TAB2: variants seen among roughly 807,000 people sequenced by gnomAD.
The protein encoded by TAB2 is TGF-beta-activated kinase 1 and MAP3K7-binding protein 2.
Under a neutral mutation model 65.0 loss-of-function variants are expected in TAB2, and 3 were observed. The ratio of observed to expected loss-of-function variants is 0.05; its 90% CI spans 0.02 to 0.12. The LOEUF is 0.12. Among genes scored for constraint, TAB2 ranks in the 10% least tolerant of loss-of-function variants. The pLI is 1.00. For missense variants in TAB2, 623 were observed against 840.3 expected (o/e 0.74, Z 3.20); for synonymous variants, 298 against 285.1 (o/e 1.05, Z -0.46).
At chr6:149,338,058 C>T (rs1167060035) in intron 1 of TAB2, among the ~76,000 whole-genome samples, 1 of 152,058 alleles carries the variant, frequency 6.6e-6, no homozygotes, top group Non-Finnish European at 1.5e-5. Flanking sequence ...AACCCTGAGG[C>T]CAGCTGTGTT....
chr6:149,253,795 G>A (rs1011804019), intron 1 of TAB2, among the ~76,000 whole-genome samples: 4 of 150,160 alleles, frequency 2.7e-5, no homozygotes, highest in Non-Finnish European at 5.9e-5. Context: ...GGTGGAGCAC[G>A]CCTGTAATCC....
intron 1 of TAB2, among the ~76,000 whole-genome samples, chr6:149,348,084 G>T (rs1780361958): frequency 1.3e-5 from 2 of 152,080 alleles, no homozygotes; most frequent in Admixed American, 1.3e-4. Flanking sequence ...ACAGAAGAGA[G>T]AAATTGTAAT....
At chr6:149,357,430 A>AAAAAAAAAAACACACAC in intron 1 of TAB2, among the ~76,000 whole-genome samples, 2 of 111,184 alleles carry the variant, frequency 1.8e-5, no homozygotes, top group African/African-American at 3.4e-5. Flanking sequence ...AGAAAAAAAA[A>AAAAAAAAAAACACACAC]ACACACACAC....
At chr6:149,364,628 T>C (rs1024586296) in intron 1 of TAB2, among the ~76,000 whole-genome samples, 1 of 151,286 alleles carries the variant, frequency 6.6e-6, no homozygotes, top group African/African-American at 2.4e-5. Context: ...TGGTATCTCC[T>C]GCATACTAGG....
intron 1 of TAB2, among the ~76,000 whole-genome samples, chr6:149,259,725 C>A (rs907922840): frequency 6.6e-6 from 1 of 152,148 alleles, no homozygotes; most frequent in Non-Finnish European, 1.5e-5. Flanking sequence ...TTTAAAACTT[C>A]TCCATGGTGC....
chr6:149,230,469 T>C (rs1458027428), intron 1 of TAB2, among the ~76,000 whole-genome samples: 1 of 152,198 alleles, frequency 6.6e-6, no homozygotes, highest in Non-Finnish European at 1.5e-5. Context: ...GGGGCTTGAG[T>C]TCTTCAACCT....
chr6:149,359,434 T>G (rs1162086777), intron 1 of TAB2, among the ~76,000 whole-genome samples: 1 of 152,166 alleles, frequency 6.6e-6, no homozygotes, highest in Non-Finnish European at 1.5e-5. Flanking sequence ...GTAAGGGAGA[T>G]GTTTCCTTCC....
intron 1 of TAB2, among the ~76,000 whole-genome samples, chr6:149,311,903 C>T (rs1779172526): frequency 6.6e-6 from 1 of 152,176 alleles, no homozygotes; most frequent in Non-Finnish European, 1.5e-5. Flanking sequence ...ATGTATTGAC[C>T]ACCCAAGCTC....
intron 1 of TAB2, among the ~76,000 whole-genome samples, chr6:149,299,203 G>A (rs1583071780): frequency 2.0e-5 from 3 of 152,202 alleles, no homozygotes; most frequent in Non-Finnish European, 2.9e-5. Flanking sequence ...GGCTTGAAAT[G>A]TTTAATTCTG....
intron 1 of TAB2, among the ~76,000 whole-genome samples, chr6:149,236,433 T>C (rs1355705274): frequency 1.3e-5 from 2 of 152,324 alleles, no homozygotes; most frequent in East Asian, 1.9e-4. Context: ...CCTCGATTTC[T>C]TTCCTGTTCA....
chr6:149,320,809 CTG>C (rs1382439541), intron 1 of TAB2, among the ~76,000 whole-genome samples: 1 of 152,126 alleles, frequency 6.6e-6, no homozygotes, highest in Non-Finnish European at 1.5e-5. Context: ...ATAAATTAAA[CTG>C]TAATTGAAAA....
intron 1 of TAB2, among the ~76,000 whole-genome samples, chr6:149,356,354 A>G (rs903448955): frequency 1.3e-5 from 2 of 152,240 alleles, no homozygotes; most frequent in South Asian, 2.1e-4. Context: ...ATGAGCAACC[A>G]TTAAACAAGG....
At chr6:149,352,881 A>G (rs947008818) in intron 1 of TAB2, among the ~76,000 whole-genome samples, 1 of 152,202 alleles carries the variant, frequency 6.6e-6, no homozygotes, top group Admixed American at 6.5e-5. Flanking sequence ...AAAAATGCTG[A>G]TTTAGGAAAC....
intron 1 of TAB2, among the ~76,000 whole-genome samples, chr6:149,303,619 TA>T (rs1161261343): frequency 6.6e-6 from 1 of 152,238 alleles, no homozygotes; most frequent in Non-Finnish European, 1.5e-5. Context: ...TGTATTTTCT[TA>T]AAGTTCTACA....
chr6:149,348,472 AATAG>A (rs1326196409), intron 1 of TAB2, among the ~76,000 whole-genome samples: 3 of 152,130 alleles, frequency 2.0e-5, no homozygotes, highest in Admixed American at 6.5e-5. Flanking sequence ...TTGACAACTA[AATAG>A]ATAGGTCGAA....
At chr6:149,254,128 GGGAAAGGAAA>G (rs375790132) in intron 1 of TAB2, among the ~76,000 whole-genome samples, 4 of 141,800 alleles carry the variant, frequency 2.8e-5, no homozygotes, top group Non-Finnish European at 4.6e-5. Context: ...GGGAAGGGAA[GGGAAAGGAAA>G]GGAAAGGAAA....
chr6:149,333,659 G>A (rs1779847303), intron 1 of TAB2, among the ~76,000 whole-genome samples: 1 of 151,304 alleles, frequency 6.6e-6, no homozygotes, highest in Non-Finnish European at 1.5e-5. Context: ...TTAAATATTA[G>A]GAGATTGGGT....
chr6:149,271,017 G>A (rs1004764315), intron 1 of TAB2, among the ~76,000 whole-genome samples: 3 of 151,996 alleles, frequency 2.0e-5, no homozygotes, highest in Admixed American at 6.6e-5. Flanking sequence ...CTGCCATGTC[G>A]CTCTATCTCT....
chr6:149,315,104 C>T (rs373815091), upstream of TAB2, among the ~76,000 whole-genome samples: 213 of 152,248 alleles, frequency 1.4e-3, 1 homozygote, highest in African/African-American at 4.9e-3. Context: ...TTACTCAGAA[C>T]AGAGGGACAG....
Sources: allele counts gnomAD v4.1 joint callset (sites outside exome capture counted in the v4.1 genomes callset), GRCh38; gene constraint gnomAD v4.1.1; transcripts MANE v1.5; gene names NCBI Gene and HGNC (gene_info 2026-07-23, HGNC 2026-07-21).